Variants in INVS observed in about 807,000 individuals in gnomAD.
INVS encodes inversion of embryo turning homolog.
Under a neutral mutation model 108.8 loss-of-function variants are expected in INVS, and 86 were observed. The observed-to-expected ratio is 0.79, with a 90% CI of 0.66 to 0.95. The LOEUF (loss-of-function observed/expected upper bound fraction) is 0.95. INVS is among the 40% of genes least tolerant of loss of function. The pLI, the probability that INVS is intolerant of heterozygous loss-of-function variation, is 0.00. For synonymous variants in INVS, 455 were observed against 473.5 expected, an observed-to-expected ratio of 0.96 and a Z score of 0.51; for missense variants, 1,169 against 1,297.4, an observed-to-expected ratio of 0.90 and a Z score of 1.52.
intron 7 of INVS, among the ~76,000 whole-genome samples, chr9:100,243,658 A>G (rs1831951022): frequency 6.6e-6 from 1 of 152,124 alleles, no homozygotes; most frequent in Non-Finnish European, 1.5e-5. Context: ...GTTAAAACAG[A>G]TTTTGCTGCC....
intron 3 of INVS, among the ~76,000 whole-genome samples, chr9:100,205,664 C>G (rs1372833915): frequency 1.3e-5 from 2 of 151,454 alleles, no homozygotes; most frequent in Non-Finnish European, 2.9e-5. Context: ...TTTTCTATTC[C>G]AAATCATCAA....
intron 1 of INVS, among the ~76,000 whole-genome samples, chr9:100,103,148 C>G (rs781000696): frequency 3.3e-5 from 5 of 152,024 alleles, no homozygotes; most frequent in African/African-American, 1.2e-4. Flanking sequence ...CCATCACACC[C>G]GGCCTTAACT....
Position 100,292,419 on chromosome 9 carries a change from C to CAACAG in INVS, c.2162_2163insAACAG (p.Val722ThrfsTer23). ...GGAAGCAGGCATCCAGGAGTTCCCT[C>CAACAG]TGTTGAGAAGTCCAGAGGTGAGACA... On this transcript the variant is annotated frameshift_variant, in exon 14 of 17. Transcript: ENST00000262457. LOFTEE classifies it high-confidence loss of function. 1 of 1,614,182 alleles carries CAACAG rather than the reference C, an allele frequency of 6.2e-7. No homozygotes were observed. Among genetic ancestry groups the CAACAG allele is most frequent in the Admixed American group, 1.7e-5 (1 of 60,024 alleles).
At chr9:100,275,737 A>T (rs932186307) in intron 12 of INVS, among the ~76,000 whole-genome samples, 5 of 152,204 alleles carry the variant, frequency 3.3e-5, no homozygotes, top group African/African-American at 1.2e-4. Context: ...AAGTAAAGTG[A>T]TTTCTAATTT....
chr9:100,126,866 A>C (rs1000406139), intron 3 of INVS, among the ~76,000 whole-genome samples: 3 of 152,212 alleles, frequency 2.0e-5, no homozygotes, highest in Admixed American at 6.5e-5. Flanking sequence ...AATAAAGACC[A>C]AAAAGAAATA....
At chr9:100,254,623 C>G (rs544814709) in intron 10 of INVS, among the ~76,000 whole-genome samples, 2 of 152,144 alleles carry the variant, frequency 1.3e-5, no homozygotes, top group Non-Finnish European at 2.9e-5. Flanking sequence ...CCAGTTTCAG[C>G]TTTCTACATG....
chr9:100,284,661 T>G, intron 13 of INVS, 58 bp downstream of exon 13: 1 of 1,569,072 alleles, frequency 6.4e-7, no homozygotes, highest in Non-Finnish European at 8.7e-7. Flanking sequence ...CTTTTTTGAT[T>G]GGTGTATTTA....
At position 100,298,006 on chromosome 9, in the gene INVS, C is replaced by T; in HGVS notation, c.3087C>T (p.Asn1029=). The change falls in exon 16 of 17, where the codon AAC becomes AAT. Residue 1029 remains asparagine, a synonymous_variant. Transcript: ENST00000262457. ...SVKASSVLRL[N]SVSNLQCIHL... ...AAGCCTCTTCTGTGCTGCGTCTCAA[C>T]TCAGGTAAGGCAGCCACTGCAAAGC... is the stretch of plus-strand genomic sequence containing the variant. 1.2e-6 allele frequency: 2 copies of T among 1,614,118 alleles called. No individual in the cohort carries two copies. Among genetic ancestry groups the T allele is most frequent in the South Asian group, 2.2e-5 (2 of 91,086 alleles).
At chr9:100,138,000 G>A (rs951293297) in intron 3 of INVS, among the ~76,000 whole-genome samples, 2 of 152,150 alleles carry the variant, frequency 1.3e-5, no homozygotes, top group African/African-American at 4.8e-5. Flanking sequence ...AAGACTGAGA[G>A]TCAACGTAAT....
intron 12 of INVS, 94 bp from the exon 13 acceptor site, chr9:100,284,226 G>GT: frequency 7.1e-7 from 1 of 1,413,940 alleles, no homozygotes; most frequent in Admixed American, 1.9e-5. Context: ...CTCCTGTGAT[G>GT]TAGTAGCTCC....
chr9:100,272,027 C>T (rs1832972963), intron 11 of INVS, among the ~76,000 whole-genome samples: 1 of 151,968 alleles, frequency 6.6e-6, no homozygotes, highest in African/African-American at 2.4e-5. Context: ...TGCCACCATG[C>T]CTGGCTAATT....
At chr9:100,257,678 G>A (rs983058273) in intron 10 of INVS, among the ~76,000 whole-genome samples, 1 of 152,192 alleles carries the variant, frequency 6.6e-6, no homozygotes, top group African/African-American at 2.4e-5. Flanking sequence ...GCTTAGTTTG[G>A]CTGGATATGA....
intron 10 of INVS, among the ~76,000 whole-genome samples, chr9:100,261,971 A>G (rs1268692508): frequency 6.6e-6 from 1 of 151,942 alleles, no homozygotes; most frequent in South Asian, 2.1e-4. Context: ...GTCAAATACT[A>G]TTTATGCATT....
At chr9:100,130,569 A>T (rs1344636352) in intron 3 of INVS, 1 of 152,164 alleles carries the variant, frequency 6.6e-6, no homozygotes, top group Non-Finnish European at 1.5e-5. Context: ...TTATAGATGG[A>T]TGCTCTCAGT....
rs564428974 is a variant in INVS at position 100,198,446 on chromosome 9, C to T, written c.274-27616C>T. Among the ~76,000 whole-genome samples the T allele has an allele frequency of 9.9e-5, 15 of 151,290 alleles. No homozygotes were observed. In the South Asian group the frequency reaches 2.9e-3, roughly 30 times the overall value. ...AGCTGGGATTACAGGCATGCACCAC[C>T]AGGTCCCGCTAATTTTGTATTTGTA... is the stretch of plus-strand genomic sequence containing the variant. On this transcript the variant is annotated intron_variant, in intron 3 of 16. Transcript: ENST00000262457.
At position 100,292,541 on chromosome 9, in the gene INVS, C is replaced by T. The variant is rs763460118; in HGVS notation, c.2284C>T (p.Arg762Trp). ...TGATGAGAAAGGAGAGGACTCCAGG[C>T]GGGCAGCTGCAAGCCTTCCACCGCA... Reference protein sequence around the residue: ...GPDEKGEDSRRAAASLPPHDS... With the variant: ...GPDEKGEDSRWAAASLPPHDS... The change falls in exon 14 of 17, where the codon CGG (arginine) becomes TGG (tryptophan). Residue 762 changes from arginine (R) to tryptophan (W), a missense_variant. This residue lies in a region of INVS where 533 missense variants were observed against 536.0 expected (regional missense o/e 0.99). Transcript: ENST00000262457. 1.1e-5 allele frequency: 17 copies of T among 1,613,970 alleles called. No homozygotes were observed. Among genetic ancestry groups the T allele is most frequent in the South Asian group, 5.5e-5 (5 of 91,086 alleles).
intron 2 of INVS, among the ~76,000 whole-genome samples, chr9:100,118,994 T>C (rs1827642115): frequency 6.6e-6 from 1 of 152,236 alleles, no homozygotes; most frequent in Admixed American, 6.5e-5. Context: ...GATTATCTAT[T>C]GGTTTGCCTT....
At chr9:100,176,909 G>A (rs1015376949) in intron 3 of INVS, among the ~76,000 whole-genome samples, 5 of 151,856 alleles carry the variant, frequency 3.3e-5, no homozygotes, top group Non-Finnish European at 7.4e-5. Flanking sequence ...TTTATAGACA[G>A]CGGTCTTGTA....
At chr9:100,162,103 A>G (rs891289669) in intron 3 of INVS, among the ~76,000 whole-genome samples, 2 of 152,198 alleles carry the variant, frequency 1.3e-5, no homozygotes, top group African/African-American at 4.8e-5. Flanking sequence ...TAAATGGTAT[A>G]ATAATAAGTA....
Sources: gnomAD v4.1 joint callset for allele counts (sites outside exome capture counted in the v4.1 genomes callset) on GRCh38, gnomAD v4.1.1 for gene constraint, gnomAD v4.1.1 regional missense constraint, MANE v1.5 for transcripts, NCBI Gene and HGNC (gene_info 2026-07-23, HGNC 2026-07-21) for gene names.